MPRIP: variants seen among roughly 807,000 people sequenced by gnomAD.
MPRIP encodes myosin phosphatase Rho-interacting protein.
Under a neutral mutation model 234.9 loss-of-function variants are expected in MPRIP, and 59 were observed. The observed-to-expected ratio is 0.25, with a 90% CI of 0.20 to 0.31. The LOEUF (loss-of-function observed/expected upper bound fraction) is 0.31. Ranked by LOEUF, MPRIP falls within the 10% of genes least tolerant of loss-of-function variation. The pLI is 1.00. For synonymous variants in MPRIP, 1,144 were observed against 1,263.9 expected, an observed-to-expected ratio of 0.91 and a Z score of 2.01; for missense variants, 2,436 against 3,071.0, an observed-to-expected ratio of 0.79 and a Z score of 4.89.
intron 9 of MPRIP, 106 bp from the exon 10 acceptor site, chr17:17,145,930 C>T: frequency 9.0e-7 from 1 of 1,114,306 alleles, no homozygotes; most frequent in South Asian, 1.4e-5. Context: ...GTGGAGAAAC[C>T]CCTTTCCTGG....
chr17:17,077,774 C>G, intron 2 of MPRIP: 16 of 350,964 alleles, frequency 4.6e-5, no homozygotes, highest in East Asian at 1.0e-4. Context: ...AAAAAAAAGA[C>G]TTCTTATTAA....
intron 4 of MPRIP, 46 bp downstream of exon 4, chr17:17,126,899 G>A (rs1350055795): frequency 6.3e-7 from 1 of 1,594,934 alleles, no homozygotes; most frequent in East Asian, 2.2e-5. Context: ...ACCTGCCACA[G>A]GGCCAACACC....
At chr17:17,108,664 C>T (rs2090109762) in intron 3 of MPRIP, among the ~76,000 whole-genome samples, 1 of 152,326 alleles carries the variant, frequency 6.6e-6, no homozygotes, top group African/African-American at 2.4e-5. Flanking sequence ...CCTGAAGCTG[C>T]TTCTCCCTGC....
intron 4 of MPRIP, among the ~76,000 whole-genome samples, chr17:17,129,240 G>C (rs1264166074): frequency 6.6e-6 from 1 of 152,088 alleles, no homozygotes; most frequent in East Asian, 1.9e-4. Context: ...GCTCTCAGCT[G>C]GGTGAAGTCT....
intron 1 of MPRIP, among the ~76,000 whole-genome samples, chr17:17,053,978 C>T (rs2088618812): frequency 6.6e-6 from 1 of 152,192 alleles, no homozygotes; most frequent in Non-Finnish European, 1.5e-5. Context: ...CAACACACAA[C>T]CAAACCAATT....
rs1283332277 is a variant in MPRIP at position 17,150,698 on chromosome 17, A to C, written c.1719+465A>C. 7.3e-5 allele frequency among the ~76,000 whole-genome samples: 7 copies of C among 95,886 alleles called. No individual in the cohort carries two copies. The East Asian group carries it at 9.1e-4, about 13-fold the overall frequency. The allele number at this position is 95,886 out of a possible 152,430, so 62.9% of individuals were successfully genotyped here. On this transcript the variant is annotated intron_variant, in intron 12 of 23. Coordinates refer to ENST00000651222, the MANE Select transcript of MPRIP (RefSeq NM_001364716.4). ...ATGAGCAAGGCATTGCACTGTTCTC[A>C]AAAAAAAAAAAAAAAAAAAAATCTT...
intron 1 of MPRIP, among the ~76,000 whole-genome samples, chr17:17,053,019 C>G (rs2088588465): frequency 6.6e-6 from 1 of 152,012 alleles, no homozygotes; most frequent in South Asian, 2.1e-4. Context: ...GAGAAAGGGG[C>G]CATGTCTCCT....
chr17:17,094,288 G>T (rs1026749715), intron 3 of MPRIP, among the ~76,000 whole-genome samples: 3 of 152,146 alleles, frequency 2.0e-5, no homozygotes, highest in African/African-American at 7.2e-5. Context: ...TGTTAGATGG[G>T]ACCTAATTTT....
intron 3 of MPRIP, among the ~76,000 whole-genome samples, chr17:17,081,293 A>G (rs1399370148): frequency 6.6e-6 from 1 of 152,202 alleles, no homozygotes; most frequent in Non-Finnish European, 1.5e-5. Context: ...CCCATTGTCT[A>G]GCATGGGGTT....
intron 18 of MPRIP, 72 bp from the exon 19 acceptor site, chr17:17,173,844 A>G: frequency 6.4e-7 from 1 of 1,564,698 alleles, no homozygotes. Context: ...GTCTGGTGTC[A>G]AGGAGGGACA....
intron 3 of MPRIP, among the ~76,000 whole-genome samples, chr17:17,116,081 TAATATA>T: frequency 6.6e-6 from 1 of 152,252 alleles, no homozygotes; most frequent in South Asian, 2.1e-4. Context: ...ATTAAATCTA[TAATATA>T]AATCTAGCAG....
rs1239629721 is a variant in MPRIP, at chr17:17,165,127, A to C, written c.3536A>C (p.Lys1179Thr). 7.7e-7 allele frequency: 1 copy of C among 1,304,132 alleles called. No individual in the cohort carries two copies. Among genetic ancestry groups the C allele is most frequent in the Non-Finnish European group, 1.0e-6 (1 of 988,988 alleles). 80.8% of individuals were successfully genotyped at this position (1,304,132 alleles called of 1,614,324 possible). ...ELERIKEAHE[K>T]VLEKKEQDLN... ...GAGCGCATTAAGGAAGCACATGAGA[A>C]GGTTCTGGAGAAGAAGGAGCAGGAC... The change falls in exon 16 of 24, where the codon AAG becomes ACG. Residue 1179 changes from lysine (K) to threonine (T), a missense_variant. Physicochemically the swap from Lys to Thr is moderately conservative, Grantham distance 78 (BLOSUM62 -1). Coordinates refer to ENST00000651222, the MANE Select transcript of MPRIP (RefSeq NM_001364716.4).
At chr17:17,172,875 C>A in intron 18 of MPRIP, 60 bp downstream of exon 18, 2 of 1,448,892 alleles carry the variant, frequency 1.4e-6, no homozygotes, top group South Asian at 1.1e-5. Flanking sequence ...GCTGACCAGG[C>A]CACAGCTGGG....
At chr17:17,142,480 A>T (rs2045348246) in intron 7 of MPRIP, 147 bp from the exon 8 acceptor site, 1 of 885,768 alleles carries the variant, frequency 1.1e-6, no homozygotes, top group Admixed American at 2.5e-5. Context: ...AGCTCGGGTC[A>T]GCTGAGCACG....
intron 6 of MPRIP, among the ~76,000 whole-genome samples, chr17:17,137,703 T>C (rs752936855): frequency 3.3e-5 from 5 of 151,904 alleles, no homozygotes; most frequent in Non-Finnish European, 5.9e-5. Context: ...AGGGGAGAGA[T>C]GGATGAGAGA....
intron 4 of MPRIP, among the ~76,000 whole-genome samples, chr17:17,130,143 A>G (rs1305311020): frequency 1.3e-5 from 2 of 152,108 alleles, no homozygotes; most frequent in African/African-American, 4.8e-5. Context: ...GTGTTTATTC[A>G]TTCTCTCAGC....
In MPRIP at chr17:17,047,089, G is replaced by A. The variant is rs1023849639; in HGVS notation, c.123+4118G>A. ...GCTACTCCTTGGGAGGCTGAGGCAC[G>A]AGAATTGCTTGAACCCAGGAGGCAG... On this transcript the variant is annotated intron_variant, in intron 1 of 23. Coordinates refer to ENST00000651222, the MANE Select transcript of MPRIP (RefSeq NM_001364716.4). 3.9e-5 allele frequency among the ~76,000 whole-genome samples: 6 copies of A among 152,200 alleles called. No individual in the cohort carries two copies. The South Asian group carries it at 6.2e-4, about 16-fold the overall frequency.
chr17:17,140,706 C>T (rs138682951), intron 7 of MPRIP, among the ~76,000 whole-genome samples: 60 of 152,306 alleles, frequency 3.9e-4, no homozygotes, highest in East Asian at 1.5e-3. Flanking sequence ...TTCTGGGCTT[C>T]GATGTGTCCG....
At position 17,165,750 on chromosome 17, in the gene MPRIP, G is replaced by A; in HGVS notation, c.4159G>A (p.Glu1387Lys). The change falls in exon 16 of 24, where the codon GAG becomes AAG. Residue 1387 changes from glutamate to lysine, a missense_variant. Glu to Lys is a moderately conservative substitution (Grantham distance 56). This residue lies in a region of MPRIP where 1,998 missense variants were observed against 2,520.3 expected (regional missense o/e 0.79). Transcript: ENST00000651222. Reference sequence around the variant, plus strand: ...GTACCTCTCCATCATCCACTCCCTGGAGACCAAGCTCTACGTCACAGAGGA... The same window carrying A: ...GTACCTCTCCATCATCCACTCCCTGAAGACCAAGCTCTACGTCACAGAGGA... ...DTYLSIIHSL[E>K]TKLYVTEEKL... 1.5e-6 allele frequency: 2 copies of A among 1,304,866 alleles called. No homozygotes were observed. The highest frequency in any genetic ancestry group is 2.0e-6 in the Non-Finnish European group (2 of 988,986). The allele number at this position is 1,304,866 out of a possible 1,614,324, so 80.8% of individuals were successfully genotyped here. A position where few individuals can be genotyped will look rare whatever the true frequency, so the allele number is the denominator to read the frequency against.
Sources: gnomAD v4.1 joint callset for allele counts (sites outside exome capture counted in the v4.1 genomes callset) on GRCh38, gnomAD v4.1.1 for gene constraint, gnomAD v4.1.1 regional missense constraint, MANE v1.5 for transcripts, NCBI Gene and HGNC (gene_info 2026-07-23, HGNC 2026-07-21) for gene names.